The following PTPRF variants were observed in gnomAD, a reference collection of about 807,000 sequenced individuals.
PTPRF encodes receptor-type tyrosine-protein phosphatase F.
A neutral mutation model predicts 201.8 loss-of-function variants in PTPRF; 59 were observed. That is an observed-to-expected ratio of 0.29 (90% CI 0.24 to 0.36). PTPRF has a LOEUF of 0.36. Among genes scored for constraint, PTPRF ranks in the 10% least tolerant of loss-of-function variants. PTPRF has a pLI of 1.00. For synonymous variants in PTPRF, 1,088 were observed against 1,089.7 expected, an observed-to-expected ratio of 1.00 and a Z score of 0.03; for missense variants, 2,132 against 2,690.5, an observed-to-expected ratio of 0.79 and a Z score of 4.59.
Position 43,563,285 on chromosome 1 carries a change from G to C in PTPRF, c.380-6305G>C, listed in dbSNP as rs568745987. ...TTCCTGGCTCTGGGGCTGGGTAGGT[G>C]GGGGTGCCATTTCTAAGATTCATGT... On this transcript the variant is annotated intron_variant, in intron 5 of 33. Coordinates refer to ENST00000359947, the MANE Select transcript of PTPRF (RefSeq NM_002840.5). 7.2e-5 allele frequency among the ~76,000 whole-genome samples: 11 copies of C among 152,266 alleles called. 1 individual carries two copies. In the South Asian group the frequency reaches 2.3e-3, roughly 32 times the overall value.
At chr1:43,619,975 G>A in intron 29 of PTPRF, 117 bp downstream of exon 29, 1 of 1,563,198 alleles carries the variant, frequency 6.4e-7, no homozygotes, top group Non-Finnish European at 8.7e-7. Context: ...GCTGGGTAGA[G>A]CAGTGAGGAC....
At chr1:43,564,674 C>G (rs1241457609) in intron 5 of PTPRF, among the ~76,000 whole-genome samples, 6 of 152,190 alleles carry the variant, frequency 3.9e-5, no homozygotes, top group Non-Finnish European at 8.8e-5. Flanking sequence ...AGGCCCAACA[C>G]TCAAGCTTAG....
At chr1:43,614,570 G>A (rs1446111889) in intron 23 of PTPRF, among the ~76,000 whole-genome samples, 1 of 152,204 alleles carries the variant, frequency 6.6e-6, no homozygotes, top group Non-Finnish European at 1.5e-5. Flanking sequence ...AAGACTCCTG[G>A]CCAGGCGCAG....
chr1:43,597,443 G>A (rs6704198), intron 11 of PTPRF, among the ~76,000 whole-genome samples: 39,571 of 152,062 alleles, frequency 0.26, 6,099 homozygotes, highest in East Asian at 0.48. Context: ...TGTGTGAGAC[G>A]TGTGTGAGGC....
rs1172532472 is a variant in PTPRF, at chr1:43,619,192, G to C, written c.4636G>C (p.Val1546Leu). 6.2e-7 allele frequency: 1 copy of C among 1,611,910 alleles called. No individual in the cohort carries two copies. The highest frequency in any genetic ancestry group is 1.1e-5 in the South Asian group (1 of 90,794). Reference sequence around the variant, plus strand: ...CCCCCTAGACGCAGGGCCCATGGTGGTGCACTGCAGGTGAGAGGGTACAGT... The same window carrying C: ...CCCCCTAGACGCAGGGCCCATGGTGCTGCACTGCAGGTGAGAGGGTACAGT... The part of the protein sequence containing the change: ...CNPLDAGPMV[V>L]HCSAGVGRTG... The change falls in exon 27 of 34, where the codon GTG (valine) becomes CTG (leucine). Residue 1546 changes from valine (V) to leucine (L), a missense_variant. By Grantham distance (32) the Val-to-Leu change is conservative (BLOSUM62 1). Transcript: ENST00000359947.
chr1:43,592,021 G>A (rs1469890713), intron 10 of PTPRF, 73 bp downstream of exon 10: 48 of 1,586,478 alleles, frequency 3.0e-5, no homozygotes, highest in Middle Eastern at 3.4e-4. Context: ...TAACCCAGGA[G>A]GGTATTTTCT....
chr1:43,531,136 C>A, intron 1 of PTPRF, 46 bp downstream of exon 1: 1 of 150,468 alleles, frequency 6.6e-6, no homozygotes, highest in South Asian at 1.9e-4. Context: ...GCTCCCGTCC[C>A]TTCCCCGCTC....
intron 13 of PTPRF, among the ~76,000 whole-genome samples, chr1:43,600,939 G>A (rs1048338088): frequency 1.3e-5 from 2 of 152,112 alleles, no homozygotes; most frequent in Admixed American, 1.3e-4. Flanking sequence ...GAACCTCCAC[G>A]CCAAGGCTTG....
At position 43,554,516 on chromosome 1, in the gene PTPRF, G is replaced by A. The variant is rs1369780760; in HGVS notation, c.379+575G>A. Among the ~76,000 whole-genome samples, 1 of 152,186 alleles carries A rather than the reference G, an allele frequency of 6.6e-6. No individual in the cohort carries two copies. Among genetic ancestry groups the A allele is most frequent in the Non-Finnish European group, 1.5e-5 (1 of 68,048 alleles). ...CAGGTGGGAGTTGGGGGTGGCAGTT[G>A]GCAGCTAGGCAGGTGCCCAGGCCCA... is the stretch of plus-strand genomic sequence containing the variant. On this transcript the variant is annotated intron_variant, in intron 5 of 33. Coordinates refer to ENST00000359947, the MANE Select transcript of PTPRF (RefSeq NM_002840.5). This position sits in a 1 kb window ranked among gnomAD's most constrained non-coding sequence, Gnocchi z 4.1.
At chr1:43,592,362 G>GA in intron 10 of PTPRF, 95 bp from the exon 11 acceptor site, 2 of 1,437,922 alleles carry the variant, frequency 1.4e-6, no homozygotes, top group Non-Finnish European at 1.9e-6. Context: ...AGCCGTGGTG[G>GA]GTCCAGAGGT....
chr1:43,598,351 A>G, intron 12 of PTPRF: 2 of 459,038 alleles, frequency 4.4e-6, no homozygotes, highest in Non-Finnish European at 7.6e-6. Context: ...TCAAAGTAGA[A>G]TCAGCAAGAC....
chr1:43,622,240 C>T lies in PTPRF; in HGVS notation c.*237C>T. On this transcript the variant is annotated 3_prime_UTR_variant, in exon 34 of 34. Coordinates refer to ENST00000359947, the MANE Select transcript of PTPRF (RefSeq NM_002840.5). ...CACTGTGGCCCTTCTGTCCACCAGA[C>T]CCACCTGGAGCCCGCTTCAAGCTCT... is the stretch of plus-strand genomic sequence containing the variant. 2 of 546,060 alleles carry T rather than the reference C, an allele frequency of 3.7e-6. No individual in the cohort carries two copies. The highest frequency in any genetic ancestry group is 6.5e-6 in the Non-Finnish European group (2 of 305,764). 33.8% of individuals were successfully genotyped at this position (546,060 alleles called of 1,614,324 possible).
chr1:43,573,977 C>CTT lies in PTPRF; in HGVS notation c.568+4234_568+4235dup, dbSNP rs77543816. ...CAAAGAGGGTTTGCTTGTGTGGGTT[C>CTT]TTTTTTTTTTTTTTTTTTTTTTTTT... On this transcript the variant is annotated intron_variant, in intron 6 of 33. Coordinates refer to ENST00000359947, the MANE Select transcript of PTPRF (RefSeq NM_002840.5). 2.2e-3 allele frequency among the ~76,000 whole-genome samples: 139 copies of CTT among 63,918 alleles called. 22 individuals carry two copies. The highest frequency in any genetic ancestry group is 2.8e-3 in the Non-Finnish European group (103 of 37,266). The allele number at this position is 63,918 out of a possible 152,430, so 41.9% of individuals were successfully genotyped here.
chr1:43,549,893 C>G (rs1054344684), intron 3 of PTPRF, among the ~76,000 whole-genome samples: 1 of 151,934 alleles, frequency 6.6e-6, no homozygotes, highest in Non-Finnish European at 1.5e-5. Context: ...AAAAGTGAGC[C>G]TGAGAGCTTA....
chr1:43,566,582 C>T (rs1646202647), intron 5 of PTPRF, among the ~76,000 whole-genome samples: 1 of 152,300 alleles, frequency 6.6e-6, no homozygotes, highest in Non-Finnish European at 1.5e-5. Context: ...CAGTTTACAC[C>T]AGGATGCCCA....
chr1:43,529,728 G>A (rs1426294468), upstream of PTPRF, among the ~76,000 whole-genome samples: 3 of 152,264 alleles, frequency 2.0e-5, no homozygotes, highest in East Asian at 5.8e-4. Flanking sequence ...GGGTCTGGAG[G>A]CAGGGGCGCT....
chr1:43,525,804 C>CAA (rs1179056466), upstream of PTPRF, among the ~76,000 whole-genome samples: 1,568 of 35,110 alleles, frequency 0.045, 269 homozygotes, highest in African/African-American at 0.13. Context: ...GACTCAGTCT[C>CAA]AAAAAAAAAA....
intron 6 of PTPRF, among the ~76,000 whole-genome samples, chr1:43,578,132 C>G (rs1022045636): frequency 6.6e-6 from 1 of 152,308 alleles, no homozygotes; most frequent in South Asian, 2.1e-4. Flanking sequence ...GGCACTGGCC[C>G]GAGTGAGAGC....
At chr1:43,611,054 C>G (rs962336435) in intron 22 of PTPRF, among the ~76,000 whole-genome samples, 3 of 152,228 alleles carry the variant, frequency 2.0e-5, no homozygotes, top group Non-Finnish European at 4.4e-5. Context: ...CCCCTGGACT[C>G]TAAAGCCTCT....
Sources: allele counts gnomAD v4.1 joint callset (sites outside exome capture counted in the v4.1 genomes callset), GRCh38; gene constraint gnomAD v4.1.1; non-coding constraint Gnocchi (gnomAD v3.1); transcripts MANE v1.5; gene names NCBI Gene and HGNC (gene_info 2026-07-23, HGNC 2026-07-21).